Variants in ABCB9 observed in about 807,000 individuals in gnomAD.
The protein encoded by ABCB9 is ATP binding cassette subfamily B member 9, also known as ABC-type oligopeptide transporter ABCB9.
In ABCB9, 36 loss-of-function variants were observed where a neutral mutation model predicts 62.0. The observed-to-expected ratio is 0.58, with a 90% CI of 0.45 to 0.77. ABCB9 has a LOEUF of 0.77. Among genes scored for constraint, ABCB9 ranks in the 30% least tolerant of loss-of-function variants. ABCB9 has a pLI of 0.00. For synonymous variants in ABCB9, 435 were observed against 461.4 expected (o/e 0.94, Z 0.73); for missense variants, 943 against 1,054.7 (o/e 0.89, Z 1.47).
At chr12:122,926,758 G>C (rs2034918248), downstream of ABCB9, among the ~76,000 whole-genome samples, 2 of 152,032 alleles carry the variant, frequency 1.3e-5, no homozygotes, top group Admixed American at 1.3e-4. Context: ...AAATTAGCTG[G>C]GCATGGCGAT....
intron 9 of ABCB9, among the ~76,000 whole-genome samples, chr12:122,936,285 G>T (rs1263369506): frequency 6.6e-6 from 1 of 151,980 alleles, no homozygotes; most frequent in African/African-American, 2.4e-5. Context: ...TTTCTATAAA[G>T]ATAGGAAACA....
chr12:122,969,643 G>A (rs1190741903), upstream of ABCB9, among the ~76,000 whole-genome samples: 1 of 151,894 alleles, frequency 6.6e-6, no homozygotes, highest in African/African-American at 2.4e-5. Context: ...AGGCTGAGGT[G>A]GGAGGATTGC....
intron 2 of ABCB9, among the ~76,000 whole-genome samples, chr12:122,951,193 T>A (rs1255863584): frequency 6.6e-6 from 1 of 151,774 alleles, no homozygotes; most frequent in Admixed American, 6.6e-5. Flanking sequence ...ACCCCCATTT[T>A]ACAAATGAGA....
chr12:122,935,569 A>G, intron 9 of ABCB9, 138 bp from the exon 10 acceptor site: 2 of 999,498 alleles, frequency 2.0e-6, no homozygotes, highest in Non-Finnish European at 2.8e-6. Flanking sequence ...GACTGCACTG[A>G]GCTGCCTCTC....
chr12:122,932,763 T>C lies in ABCB9; in HGVS notation c.1904-435A>G, dbSNP rs2035251972. Among the ~76,000 whole-genome samples, 1 of 152,070 alleles carries C rather than the reference T, an allele frequency of 6.6e-6. No homozygotes were observed. The highest frequency in any genetic ancestry group is 1.5e-5 in the Non-Finnish European group (1 of 68,018). Reference sequence around the variant, plus strand: ...GCCCCGCAAGCCCACCTGGACCAATTTTCCCCATGGACCGACTTCCTCCCA... The same window carrying C: ...GCCCCGCAAGCCCACCTGGACCAATCTTCCCCATGGACCGACTTCCTCCCA... On this transcript the variant is annotated intron_variant, in intron 10 of 11. Transcript: ENST00000280560. The surrounding 1 kb of genome is among the most constrained non-coding windows in gnomAD (Gnocchi z 4.7).
rs2037353835 is a variant in ABCB9, at chr12:122,974,714, C to G, written c.-88+1G>C. ...CGGAGCGTTTTGGTGGAGACACTCA[C>G]TGGGGCAATCTGAGGTAATCCAACA... On this transcript the variant is annotated splice_donor_variant, in intron 1 of 11. Transcript: ENST00000392439. LOFTEE classifies it low-confidence loss of function (5UTR_SPLICE). 1.3e-5 allele frequency: 2 copies of G among 152,440 alleles called. No homozygotes were observed. The highest frequency in any genetic ancestry group is 2.0e-4 in the South Asian group (1 of 4,964). 9.4% of individuals were successfully genotyped at this position (152,440 alleles called of 1,614,324 possible).
downstream of ABCB9, among the ~76,000 whole-genome samples, chr12:122,918,886 A>G: frequency 6.6e-6 from 1 of 152,180 alleles, no homozygotes; most frequent in East Asian, 1.9e-4. Flanking sequence ...TCCAGCAAGC[A>G]GTCACTCCCC....
intron 1 of ABCB9, chr12:122,974,560 G>A (rs2037349890): frequency 6.6e-6 from 1 of 152,288 alleles, no homozygotes; most frequent in Non-Finnish European, 1.5e-5. Context: ...CAAAGGTCCG[G>A]GGAGAGAAGA....
At position 122,948,805 on chromosome 12, in the gene ABCB9, G is replaced by C. The variant is rs2036193800; in HGVS notation, c.872C>G (p.Ser291Trp). The C allele has an allele frequency of 6.3e-7, 1 of 1,584,584 alleles. No individual in the cohort carries two copies. The stretch of plus-strand genomic sequence containing the variant: ...CAGGTCGCTGACCATGGTGGTGTCC[G>C]AGGTCAGGCGGGAGATGAGGTCCCC... ...RTGDLISRLT[S>W]DTTMVSDLVS... Residue 291 changes from serine (S) to tryptophan (W), a missense_variant, in exon 5 of 12, where the codon TCG (serine) becomes TGG (tryptophan). Physicochemically the swap from Ser to Trp is radical, Grantham distance 177. Coordinates refer to ENST00000280560, the MANE Select transcript of ABCB9 (RefSeq NM_019625.4).
At chr12:122,961,281 T>C (rs989239439) in intron 1 of ABCB9, among the ~76,000 whole-genome samples, 5 of 151,982 alleles carry the variant, frequency 3.3e-5, no homozygotes, top group African/African-American at 4.8e-5. Flanking sequence ...TCCGTCTCCC[T>C]GGTTCAAGCG....
intron 2 of ABCB9, among the ~76,000 whole-genome samples, chr12:122,955,200 G>A (rs1000277722): frequency 1.9e-4 from 29 of 152,178 alleles, no homozygotes; most frequent in Admixed American, 1.4e-3. Context: ...TCAAGTGAGC[G>A]TTGGCCAGGT....
At chr12:122,966,011 C>T (rs2037151267) in intron 1 of ABCB9, among the ~76,000 whole-genome samples, 1 of 152,232 alleles carries the variant, frequency 6.6e-6, no homozygotes, top group African/African-American at 2.4e-5. Flanking sequence ...CCAGGATCCT[C>T]CAACACCTCC....
chr12:122,924,333 T>TTACG (rs1161982901), downstream of ABCB9, among the ~76,000 whole-genome samples: 9 of 152,250 alleles, frequency 5.9e-5, no homozygotes, highest in Admixed American at 5.9e-4. Context: ...TCACACTATG[T>TTACG]TACGGCATAT....
chr12:122,930,228 G>A lies in ABCB9; in HGVS notation c.2041-57C>T. The A allele has an allele frequency of 2.0e-6, 3 of 1,473,538 alleles. No homozygotes were observed. Among genetic ancestry groups the A allele is most frequent in the Non-Finnish European group, 2.7e-6 (3 of 1,097,012 alleles). 91.3% of individuals were successfully genotyped at this position (1,473,538 alleles called of 1,614,324 possible). ...GCACGGACGCCCCACCCGCAACCGT[G>A]CTTCATGCCACGGCCTATGGGCTGA... is the stretch of plus-strand genomic sequence containing the variant. On this transcript the variant is annotated intron_variant, in intron 11 of 11. Coordinates refer to ENST00000280560, the MANE Select transcript of ABCB9 (RefSeq NM_019625.4). This position sits in a 1 kb window ranked among gnomAD's most constrained non-coding sequence, Gnocchi z 4.9.
Position 122,932,219 on chromosome 12 carries a change from G to A in ABCB9, c.2013C>T (p.Ser671=), listed in dbSNP as rs529496037. ...GATACTCGCTCTCGGCATCCAAAGC[G>A]CTGGTGGCTTCATCCAGGATGAGGA... ...PPVLILDEAT[S]ALDAESEYLI... The change falls in exon 11 of 12, where the codon AGC becomes AGT. Residue 671 remains serine (S), a synonymous_variant. Coordinates refer to ENST00000280560, the MANE Select transcript of ABCB9 (RefSeq NM_019625.4). The surrounding 1 kb of genome is among the most constrained non-coding windows in gnomAD (Gnocchi z 4.7). 1.3e-5 allele frequency: 20 copies of A among 1,552,784 alleles called. No homozygotes were observed. The highest frequency in any genetic ancestry group is 5.9e-5 in the South Asian group (5 of 84,098).
At chr12:122,953,717 T>G (rs758861869) in intron 2 of ABCB9, among the ~76,000 whole-genome samples, 1 of 152,148 alleles carries the variant, frequency 6.6e-6, no homozygotes, top group Non-Finnish European at 1.5e-5. Flanking sequence ...AGACAGGGTT[T>G]CACCATGTTG....
chr12:122,957,102 C>T lies in ABCB9; in HGVS notation c.601+2533G>A, dbSNP rs1004600956. On this transcript the variant is annotated intron_variant, in intron 2 of 11. Transcript: ENST00000280560. ...TGTTGCCCGGGCTGGAGGGCAGTGG[C>T]GTCATCATGGCTCACTATAACTCAA... 9.9e-5 allele frequency among the ~76,000 whole-genome samples: 15 copies of T among 151,544 alleles called. No homozygotes were observed. The East Asian group carries it at 2.1e-3, about 22-fold the overall frequency.
In ABCB9 at chr12:122,932,436, C is replaced by T; in HGVS notation, c.1904-108G>A. 7.2e-7 allele frequency: 1 copy of T among 1,394,734 alleles called. No individual in the cohort carries two copies. Among genetic ancestry groups the T allele is most frequent in the Non-Finnish European group, 9.5e-7 (1 of 1,053,688 alleles). The allele number at this position is 1,394,734 out of a possible 1,614,324, so 86.4% of individuals were successfully genotyped here. A position where few individuals can be genotyped will look rare whatever the true frequency, so the allele number is the denominator to read the frequency against. ...GCTGTGGAAAGGGCGGGCTGGAACC[C>T]ACAACTTGAAAGCTCATGAAATGAT... On this transcript the variant is annotated intron_variant, in intron 10 of 11. Coordinates refer to ENST00000280560, the MANE Select transcript of ABCB9 (RefSeq NM_019625.4). This position sits in a 1 kb window ranked among gnomAD's most constrained non-coding sequence, Gnocchi z 4.7.
intron 1 of ABCB9, among the ~76,000 whole-genome samples, chr12:122,961,655 A>G (rs796678422): frequency 3.3e-5 from 5 of 152,290 alleles, no homozygotes; most frequent in African/African-American, 1.2e-4. Context: ...GCCCCTTGGG[A>G]AGGCAGCAAG....
Sources: allele counts gnomAD v4.1 joint callset (sites outside exome capture counted in the v4.1 genomes callset), GRCh38; gene constraint gnomAD v4.1.1; non-coding constraint Gnocchi (gnomAD v3.1); transcripts MANE v1.5; gene names NCBI Gene and HGNC (gene_info 2026-07-23, HGNC 2026-07-21).